Variants in SIRPB1 observed in about 807,000 individuals in gnomAD.
The protein encoded by SIRPB1 is signal-regulatory protein beta-1.
In SIRPB1, 28 loss-of-function variants were observed where a neutral mutation model predicts 34.1. The observed-to-expected ratio is 0.82, with a 90% CI of 0.61 to 1.12. The LOEUF is 1.12. SIRPB1 is among the 50% of genes most tolerant of loss of function. The pLI is 0.00. For missense variants in SIRPB1, 499 were observed against 507.0 expected, an observed-to-expected ratio of 0.98 and a Z score of 0.15; for synonymous variants, 211 against 203.8, an observed-to-expected ratio of 1.04 and a Z score of -0.30.
At chr20:1,606,758 C>T (rs1427859800) in intron 1 of SIRPB1, among the ~76,000 whole-genome samples, 1 of 50,844 alleles carries the variant, frequency 2.0e-5, no homozygotes, top group Non-Finnish European at 3.6e-5. Context: ...AGGGGGTCCT[C>T]ATGTGAGCCC....
At chr20:1,577,894 G>A (rs1459904654) in intron 2 of SIRPB1, among the ~76,000 whole-genome samples, 2 of 147,832 alleles carry the variant, frequency 1.4e-5, no homozygotes, top group East Asian at 3.9e-4. Context: ...TGCTGTTTGC[G>A]CAGCATCCAG....
rs546578802 is a variant in SIRPB1 at position 1,595,700 on chromosome 20, T to C, written c.77-17006A>G. On this transcript the variant is annotated intron_variant, in intron 1 of 5. Transcript: ENST00000381605. Reference sequence around the variant, plus strand: ...CCCATGACCCTTCCTAATTTGAGAGTTCAGACCTATAGGGTTCTGTAGCCA... The same window carrying C: ...CCCATGACCCTTCCTAATTTGAGAGCTCAGACCTATAGGGTTCTGTAGCCA... 3.3e-4 allele frequency among the ~76,000 whole-genome samples: 16 copies of C among 48,214 alleles called. 5 individuals are homozygous for C. Among genetic ancestry groups the C allele is most frequent in the South Asian group, 1.5e-3 (2 of 1,344 alleles). 31.6% of individuals were successfully genotyped at this position (48,214 alleles called of 152,430 possible).
intron 1 of SIRPB1, chr20:1,611,458 G>A (rs1172134868): frequency 1.9e-6 from 2 of 1,037,826 alleles, no homozygotes; most frequent in Non-Finnish European, 2.6e-6. Flanking sequence ...ATCTGCTGGG[G>A]TGATGTTACT....
intron 4 of SIRPB1, among the ~76,000 whole-genome samples, chr20:1,566,605 A>C (rs79248427): frequency 0.014 from 2,123 of 152,250 alleles, 11 homozygotes; most frequent in African/African-American, 0.02. Flanking sequence ...TCTGATGGGG[A>C]AACTGAGGCC....
chr20:1,574,901 C>T (rs1400095661), intron 2 of SIRPB1, among the ~76,000 whole-genome samples: 1 of 58,748 alleles, frequency 1.7e-5, no homozygotes, highest in Admixed American at 1.5e-4. Flanking sequence ...GTTCTCCTAA[C>T]GACAGTTCTG....
intron 1 of SIRPB1, among the ~76,000 whole-genome samples, chr20:1,619,260 G>A (rs1225564136): frequency 3.9e-5 from 6 of 152,178 alleles, no homozygotes; most frequent in Non-Finnish European, 7.3e-5. Context: ...AGGAATATAG[G>A]ACCCAGTAAG....
At chr20:1,577,236 C>T (rs971610683) in intron 2 of SIRPB1, among the ~76,000 whole-genome samples, 2 of 147,950 alleles carry the variant, frequency 1.4e-5, no homozygotes, top group Admixed American at 1.3e-4. Context: ...TTATCTAGCA[C>T]CTATGATGCA....
intron 2 of SIRPB1, among the ~76,000 whole-genome samples, chr20:1,577,796 C>T (rs1195935118): frequency 1.4e-5 from 2 of 146,834 alleles, no homozygotes; most frequent in East Asian, 3.9e-4. Context: ...CACGATTTAC[C>T]CTCTCCATGC....
rs762983815 is a variant in SIRPB1 at position 1,578,396 on chromosome 20, T to C, written c.375A>G (p.Lys125=). Residue 125 remains lysine (K), a synonymous_variant, in exon 2 of 6, where the codon AAA becomes AAG. Coordinates refer to ENST00000381605, the MANE Select transcript of SIRPB1 (RefSeq NM_006065.5). ...AGTYYCVKFR[K]GSPDDVEFKS... is the part of the protein sequence containing the mutation. Reference sequence around the variant, plus strand: ...TAAACTCCACGTCGTCAGGGCTCCCTTTCCGGAACTTCACACAGTAGTAGG... The same window carrying C: ...TAAACTCCACGTCGTCAGGGCTCCCCTTCCGGAACTTCACACAGTAGTAGG... 1.4e-5 allele frequency: 22 copies of C among 1,587,806 alleles called. No homozygotes were observed. The East Asian group carries it at 4.9e-4, about 35-fold the overall frequency.
rs1197651208 is a variant in SIRPB1 at position 1,600,712 on chromosome 20, A to C, written c.76+19157T>G. 4.1e-5 allele frequency among the ~76,000 whole-genome samples: 2 copies of C among 48,828 alleles called. 1 individual carries two copies. Among genetic ancestry groups the C allele is most frequent in the East Asian group, 1.2e-3 (2 of 1,710 alleles). 32.0% of individuals were successfully genotyped at this position (48,828 alleles called of 152,430 possible). A position where few individuals can be genotyped will look rare whatever the true frequency, so the allele number is the denominator to read the frequency against. ...CTGCCTCACTCCCTCAGGCATATTG[A>C]CCCTGACAGCACTCTAGCATGCTTC... On this transcript the variant is annotated intron_variant, in intron 1 of 5. Transcript: ENST00000381605.
At chr20:1,614,824 T>C (rs1016968076) in intron 1 of SIRPB1, among the ~76,000 whole-genome samples, 1 of 152,078 alleles carries the variant, frequency 6.6e-6, no homozygotes, top group Non-Finnish European at 1.5e-5. Flanking sequence ...GACTTACTGA[T>C]TTGCTACTCT....
chr20:1,564,196 A>T lies in SIRPB1; in HGVS notation c.*1304T>A, dbSNP rs1255276227. 1 of 152,152 alleles carries T rather than the reference A, an allele frequency of 6.6e-6. No individual in the cohort carries two copies. The highest frequency in any genetic ancestry group is 1.5e-5 in the Non-Finnish European group (1 of 68,028). 9.4% of individuals were successfully genotyped at this position (152,152 alleles called of 1,614,324 possible). On this transcript the variant is annotated 3_prime_UTR_variant, in exon 6 of 6. Coordinates refer to ENST00000381605, the MANE Select transcript of SIRPB1 (RefSeq NM_006065.5). ...AGAATGATCATTGTTTTTCTGATTGACTATGGAGACTGCTTTCCTGGGTTT... is the reference window on the plus strand; with the variant it reads ...AGAATGATCATTGTTTTTCTGATTGTCTATGGAGACTGCTTTCCTGGGTTT...
rs2122225478 is a variant in SIRPB1 at position 1,578,468 on chromosome 20, C to T, written c.303G>A (p.Leu101=). The T allele has an allele frequency of 3.2e-6, 5 of 1,584,128 alleles. No individual in the cohort carries two copies. Among genetic ancestry groups the T allele is most frequent in the East Asian group, 4.5e-5 (2 of 44,850 alleles). ...TVSELTKRNN[L]DFSISISNIT... is the part of the protein sequence containing the mutation. ...TGTTACTGATGCTGATGGAAAAGTCCAGGTTGTTTCTCTTTGTGAGTTCTG... is the reference window on the plus strand; with the variant it reads ...TGTTACTGATGCTGATGGAAAAGTCTAGGTTGTTTCTCTTTGTGAGTTCTG... Residue 101 remains leucine (L), a synonymous_variant, in exon 2 of 6, where the codon CTG becomes CTA. Coordinates refer to ENST00000381605, the MANE Select transcript of SIRPB1 (RefSeq NM_006065.5).
chr20:1,601,815 G>T (rs2122271139), intron 1 of SIRPB1, among the ~76,000 whole-genome samples: 1 of 48,454 alleles, frequency 2.1e-5, no homozygotes, highest in Non-Finnish European at 3.9e-5. Context: ...AATATGAGGA[G>T]CAGGCATAGG....
Position 1,577,739 on chromosome 20 carries a change from C to T in SIRPB1, c.433+599G>A, listed in dbSNP as rs760333536. ...AACCGTGAATGTGCCTCCGAGAAAT[C>T]TTCCCCGTGGGGTGTTTCTGAAGAT... On this transcript the variant is annotated intron_variant, in intron 2 of 5. Transcript: ENST00000381605. 2.0e-5 allele frequency among the ~76,000 whole-genome samples: 3 copies of T among 146,732 alleles called. 1 individual carries two copies. The highest frequency in any genetic ancestry group is 4.6e-5 in the Non-Finnish European group (3 of 65,590).
At chr20:1,617,152 A>C (rs2091641631) in intron 1 of SIRPB1, among the ~76,000 whole-genome samples, 1 of 152,230 alleles carries the variant, frequency 6.6e-6, no homozygotes, top group Admixed American at 6.5e-5. Flanking sequence ...AAAATTAAAA[A>C]TAGAACTATC....
chr20:1,584,407 CAAAT>C (rs2091414362), intron 1 of SIRPB1, among the ~76,000 whole-genome samples: 1 of 49,080 alleles, frequency 2.0e-5, no homozygotes, highest in South Asian at 7.0e-4. Context: ...AATCAACAAA[CAAAT>C]AGGCCACAGA....
chr20:1,577,290 G>A (rs2091326716), intron 2 of SIRPB1, among the ~76,000 whole-genome samples: 1 of 147,910 alleles, frequency 6.8e-6, no homozygotes, highest in African/African-American at 2.5e-5. Context: ...GGGGAAGGAA[G>A]GAGACTGCCA....
chr20:1,573,752 G>A (rs1321281091), intron 2 of SIRPB1, among the ~76,000 whole-genome samples: 2 of 146,422 alleles, frequency 1.4e-5, no homozygotes, highest in East Asian at 1.9e-4. Context: ...TGTGTAGGGC[G>A]AGACTCTGAG....
Sources: gnomAD v4.1 joint callset for allele counts (sites outside exome capture counted in the v4.1 genomes callset) on GRCh38, gnomAD v4.1.1 for gene constraint, MANE v1.5 for transcripts, NCBI Gene and HGNC (gene_info 2026-07-23, HGNC 2026-07-21) for gene names.